Variants in SLCO3A1 observed in about 807,000 individuals in gnomAD.
The protein encoded by SLCO3A1 is PGE1 transporter.
In SLCO3A1, 27 loss-of-function variants were observed where a neutral mutation model predicts 63.1. The ratio of observed to expected loss-of-function variants is 0.43; its 90% CI spans 0.32 to 0.59. SLCO3A1 has a LOEUF of 0.59. Among genes scored for constraint, SLCO3A1 ranks in the 20% least tolerant of loss-of-function variants. The probability of loss-of-function intolerance (pLI) is 0.09; values close to 1 mark genes in which losing one functional copy is unlikely to be tolerated. For missense variants in SLCO3A1, 773 were observed against 945.8 expected, an observed-to-expected ratio of 0.82 and a Z score of 2.40; for synonymous variants, 473 against 409.9, an observed-to-expected ratio of 1.15 and a Z score of -1.86.
intron 3 of SLCO3A1, among the ~76,000 whole-genome samples, chr15:92,096,607 C>T (rs963031882): frequency 2.6e-5 from 4 of 152,172 alleles, no homozygotes; most frequent in African/African-American, 9.7e-5. Flanking sequence ...GCCGATCTAT[C>T]CTCAGGATCA....
intron 1 of SLCO3A1, among the ~76,000 whole-genome samples, chr15:91,857,029 C>CGTGTGTGT (rs58042356): frequency 1.4e-4 from 19 of 139,118 alleles, no homozygotes; most frequent in Admixed American, 3.6e-4. Flanking sequence ...AAGGAGGACT[C>CGTGTGTGT]GTGTGTGTGT....
At chr15:92,115,667 C>A (rs1596114630) in intron 4 of SLCO3A1, among the ~76,000 whole-genome samples, 1 of 151,916 alleles carries the variant, frequency 6.6e-6, no homozygotes, top group South Asian at 2.1e-4. Context: ...GATTACCTGA[C>A]TCCTTAGACC....
At chr15:92,122,415 A>G (rs1038161773) in intron 5 of SLCO3A1, among the ~76,000 whole-genome samples, 1 of 152,224 alleles carries the variant, frequency 6.6e-6, no homozygotes, top group African/African-American at 2.4e-5. Flanking sequence ...AACAAACACA[A>G]AGGTGCTAAC....
At chr15:92,138,813 G>T (rs1253589919) in intron 7 of SLCO3A1, among the ~76,000 whole-genome samples, 1 of 94,082 alleles carries the variant, frequency 1.1e-5, no homozygotes, top group African/African-American at 6.4e-5. Context: ...TGTGATTTTT[G>T]CCCATTGATT....
downstream of SLCO3A1, among the ~76,000 whole-genome samples, chr15:92,168,569 C>A (rs1309410969): frequency 6.6e-6 from 1 of 152,186 alleles, no homozygotes; most frequent in East Asian, 1.9e-4. Context: ...GGCAAGGTCT[C>A]AAGCAGCACT....
chr15:91,941,332 G>A lies in SLCO3A1; in HGVS notation c.646+24874G>A. The A allele has an allele frequency of 5.7e-6, 2 of 349,530 alleles. No individual in the cohort carries two copies. Among genetic ancestry groups the A allele is most frequent in the Non-Finnish European group, 5.6e-6 (1 of 177,980 alleles). The allele number at this position is 349,530 out of a possible 1,614,324, so 21.7% of individuals were successfully genotyped here. A position where few individuals can be genotyped will look rare whatever the true frequency, so the allele number is the denominator to read the frequency against. ...AGAGAGACACTGAATCAGTGCATGA[G>A]TGACCAGCTAGGACTGAGCCCAAAG... is the stretch of plus-strand genomic sequence containing the variant. On this transcript the variant is annotated intron_variant, in intron 2 of 9. Transcript: ENST00000318445. This position sits in a 1 kb window ranked among gnomAD's most constrained non-coding sequence, Gnocchi z 4.4.
intron 1 of SLCO3A1, among the ~76,000 whole-genome samples, chr15:91,870,812 T>C (rs1416621200): frequency 1.3e-5 from 2 of 150,388 alleles, no homozygotes; most frequent in South Asian, 2.1e-4. Flanking sequence ...AGATTCTGTT[T>C]CATATCTTTA....
At chr15:92,170,493 A>C (rs1340031793), downstream of SLCO3A1, among the ~76,000 whole-genome samples, 1 of 152,200 alleles carries the variant, frequency 6.6e-6, no homozygotes, top group Non-Finnish European at 1.5e-5. Context: ...CTAAGATCAC[A>C]TAGCTAGTTT....
chr15:92,027,193 A>G (rs982602288), intron 2 of SLCO3A1, among the ~76,000 whole-genome samples: 1 of 152,248 alleles, frequency 6.6e-6, no homozygotes, highest in Non-Finnish European at 1.5e-5. Flanking sequence ...GCAAAGCCAA[A>G]TAATGCATTA....
chr15:91,990,161 A>C (rs560876371), intron 2 of SLCO3A1, among the ~76,000 whole-genome samples: 18 of 152,326 alleles, frequency 1.2e-4, no homozygotes, highest in Middle Eastern at 3.4e-3. Flanking sequence ...GGAGGCAGTC[A>C]CTGAATAGTG....
At chr15:92,171,791 C>G (rs546850703) in exon 11 of SLCO3A1, 1 of 1,551,050 alleles carries the variant, frequency 6.4e-7, no homozygotes, top group Non-Finnish European at 8.7e-7. Context: ...CACAGAGTAC[C>G]AAGACATTGA....
chr15:91,975,137 G>C (rs1349776708), intron 2 of SLCO3A1, among the ~76,000 whole-genome samples: 3 of 152,232 alleles, frequency 2.0e-5, no homozygotes, highest in Non-Finnish European at 4.4e-5. Flanking sequence ...GAGTTAACCA[G>C]TGTTATTCTC....
chr15:91,968,471 G>T lies in SLCO3A1; in HGVS notation c.646+52013G>T, dbSNP rs2151426868. Among the ~76,000 whole-genome samples, 2 of 152,190 alleles carry T rather than the reference G, an allele frequency of 1.3e-5. No homozygotes were observed. Among genetic ancestry groups the T allele is most frequent in the Middle Eastern group, 6.8e-3 (2 of 294 alleles). ...ATGCAGCATGGAGGTGTCCTGGCTA[G>T]AACAGGGCCTCTAATTTATCATGTC... On this transcript the variant is annotated intron_variant, in intron 2 of 9. Coordinates refer to ENST00000318445, the MANE Select transcript of SLCO3A1 (RefSeq NM_013272.4). The surrounding 1 kb of genome is among the most constrained non-coding windows in gnomAD (Gnocchi z 4.2).
At chr15:92,139,253 G>C (rs2048097185) in intron 7 of SLCO3A1, among the ~76,000 whole-genome samples, 1 of 145,240 alleles carries the variant, frequency 6.9e-6, no homozygotes, top group African/African-American at 2.6e-5. Context: ...TTTGTCTTTG[G>C]CTCTGTTTAT....
intron 1 of SLCO3A1, among the ~76,000 whole-genome samples, chr15:91,866,817 T>A (rs1182419610): frequency 6.6e-6 from 1 of 152,090 alleles, no homozygotes; most frequent in Non-Finnish European, 1.5e-5. Flanking sequence ...GGAAGCCTCA[T>A]GTCTGGTCTA....
In SLCO3A1 at chr15:91,964,864, G is replaced by A. The variant is rs112193938; in HGVS notation, c.646+48406G>A. On this transcript the variant is annotated intron_variant, in intron 2 of 9. Coordinates refer to ENST00000318445, the MANE Select transcript of SLCO3A1 (RefSeq NM_013272.4). ...AGTGACTTGCTCAGGGTCACAGAGC[G>A]TCAGGTGACAGTGTGTGGTCTGGAA... Among the ~76,000 whole-genome samples, 634 of 152,230 alleles carry A rather than the reference G, an allele frequency of 4.2e-3. 4 individuals carry two copies. Among genetic ancestry groups the A allele is most frequent in the African/African-American group, 0.015 (602 of 41,504 alleles).
chr15:92,110,579 C>A (rs1272471688), intron 4 of SLCO3A1, among the ~76,000 whole-genome samples: 4 of 152,214 alleles, frequency 2.6e-5, no homozygotes, highest in Admixed American at 6.5e-5. Context: ...CTCATTTCAT[C>A]TTCAGACATC....
chr15:92,019,808 G>C (rs1418456470), intron 2 of SLCO3A1, among the ~76,000 whole-genome samples: 1 of 152,188 alleles, frequency 6.6e-6, no homozygotes, highest in Non-Finnish European at 1.5e-5. Flanking sequence ...CCACTTGTGG[G>C]GTGGCTCCTT....
Position 92,128,353 on chromosome 15 carries a change from C to G in SLCO3A1, c.1376C>G (p.Thr459Arg). The G allele has an allele frequency of 6.2e-7, 1 of 1,613,672 alleles. No homozygotes were observed. Among genetic ancestry groups the G allele is most frequent in the South Asian group, 1.1e-5 (1 of 91,026 alleles). The change falls in exon 7 of 10, where the codon ACA (threonine) becomes AGA (arginine). Residue 459 changes from threonine (T) to arginine (R), a missense_variant and splice_region_variant. By Grantham distance (71) the Thr-to-Arg change is moderately conservative. Transcript: ENST00000318445. ...AGVTVPYGNSTAPGSALDPYS... is the reference protein window; with the variant it reads ...AGVTVPYGNSRAPGSALDPYS... ...TCCGTGTTTCCTTTCTTTTCCAGCACAGCACCTGGCTCAGCCCTGGACCCC... is the reference window on the plus strand; with the variant it reads ...TCCGTGTTTCCTTTCTTTTCCAGCAGAGCACCTGGCTCAGCCCTGGACCCC...
Sources: allele counts gnomAD v4.1 joint callset (sites outside exome capture counted in the v4.1 genomes callset), GRCh38; gene constraint gnomAD v4.1.1; non-coding constraint Gnocchi (gnomAD v3.1); transcripts MANE v1.5; gene names NCBI Gene and HGNC (gene_info 2026-07-23, HGNC 2026-07-21).